Variants in MEIKIN observed in about 807,000 individuals in gnomAD.
The protein encoded by MEIKIN is meiotic kinetochore factor, also known as meiosis-specific kinetochore protein.
rs533471454 is a variant in MEIKIN, at chr5:131,870,749, A to T, written c.774+8229T>A. Among the ~76,000 whole-genome samples, 12 of 152,288 alleles carry T rather than the reference A, an allele frequency of 7.9e-5. No homozygotes were observed. The East Asian group carries it at 2.3e-3, about 29-fold the overall frequency. On this transcript the variant is annotated intron_variant, in intron 9 of 12. Coordinates refer to ENST00000442687, the MANE Select transcript of MEIKIN (RefSeq NM_001303622.2). ...CTACAGGCAAAATTATCTTGAATAC[A>T]TGCCTATTTCTTGATCTCTCCTATC...
At chr5:131,845,581 T>C (rs1750004716) in intron 11 of MEIKIN, among the ~76,000 whole-genome samples, 1 of 143,120 alleles carries the variant, frequency 7.0e-6, no homozygotes, top group Admixed American at 7.2e-5. Context: ...AAAATTAAAA[T>C]ATCAACAAAA....
chr5:131,937,124 A>G (rs1329670292), intron 4 of MEIKIN, among the ~76,000 whole-genome samples: 2 of 152,152 alleles, frequency 1.3e-5, no homozygotes, highest in African/African-American at 2.4e-5. Context: ...CCTGTATTAG[A>G]TAAGAGACTC....
At chr5:131,831,032 G>C (rs886981552) in intron 11 of MEIKIN, among the ~76,000 whole-genome samples, 2 of 152,004 alleles carry the variant, frequency 1.3e-5, no homozygotes, top group Non-Finnish European at 2.9e-5. Flanking sequence ...CAAGTAGCTG[G>C]GACTATACGT....
chr5:131,882,385 T>C (rs1561743039), intron 8 of MEIKIN, among the ~76,000 whole-genome samples: 1 of 152,188 alleles, frequency 6.6e-6, no homozygotes, highest in Non-Finnish European at 1.5e-5. Flanking sequence ...CTTGGAAGCT[T>C]GGAATTTCTC....
intron 4 of MEIKIN, among the ~76,000 whole-genome samples, chr5:131,941,700 C>G (rs115395557): frequency 0.017 from 2,583 of 152,256 alleles, 39 homozygotes; most frequent in Middle Eastern, 0.051. Flanking sequence ...CCTTTCATAT[C>G]CAACTATCTG....
intron 8 of MEIKIN, among the ~76,000 whole-genome samples, chr5:131,897,274 C>T (rs1415132249): frequency 1.3e-5 from 2 of 152,218 alleles, no homozygotes; most frequent in Admixed American, 6.5e-5. Flanking sequence ...ACGGGCTTCC[C>T]TTTGTGGGTA....
intron 9 of MEIKIN, among the ~76,000 whole-genome samples, chr5:131,862,162 T>G (rs1261205534): frequency 1.3e-5 from 2 of 152,206 alleles, no homozygotes; most frequent in Non-Finnish European, 2.9e-5. Context: ...TTCTATTTCT[T>G]CCTCATTCAA....
chr5:131,869,958 G>A (rs1159710496), intron 9 of MEIKIN, among the ~76,000 whole-genome samples: 1 of 152,184 alleles, frequency 6.6e-6, no homozygotes, highest in Non-Finnish European at 1.5e-5. Context: ...AAAAACTGGT[G>A]ACTTTTCAGT....
At chr5:131,854,128 G>A (rs906158850) in intron 10 of MEIKIN, among the ~76,000 whole-genome samples, 1 of 152,132 alleles carries the variant, frequency 6.6e-6, no homozygotes, top group African/African-American at 2.4e-5. Context: ...AACAAAATGT[G>A]TCATATACAT....
At chr5:131,898,290 TG>T (rs1429099463) in intron 8 of MEIKIN, among the ~76,000 whole-genome samples, 2 of 152,176 alleles carry the variant, frequency 1.3e-5, no homozygotes, top group African/African-American at 4.8e-5. Context: ...ATCCTTCCTC[TG>T]GAAGCTTTGT....
chr5:131,898,717 T>A (rs1751097756), intron 8 of MEIKIN, among the ~76,000 whole-genome samples: 1 of 152,234 alleles, frequency 6.6e-6, no homozygotes, highest in Non-Finnish European at 1.5e-5. Flanking sequence ...TCCGTGGGCA[T>A]GGGACCCCGT....
At chr5:131,922,520 C>T (rs1327982958) in intron 5 of MEIKIN, among the ~76,000 whole-genome samples, 1 of 151,822 alleles carries the variant, frequency 6.6e-6, no homozygotes, top group Non-Finnish European at 1.5e-5. Flanking sequence ...ATGCAAATAC[C>T]ATGCCATTTT....
chr5:131,925,740 C>A (rs1751577828), intron 5 of MEIKIN, among the ~76,000 whole-genome samples: 1 of 152,104 alleles, frequency 6.6e-6, no homozygotes, highest in African/African-American at 2.4e-5. Context: ...ATGATCCCGG[C>A]CCACTGCAAC....
intron 9 of MEIKIN, among the ~76,000 whole-genome samples, chr5:131,866,742 G>C (rs779972679): frequency 2.0e-4 from 31 of 152,196 alleles, no homozygotes; most frequent in Non-Finnish European, 1.0e-4. Context: ...CTGACAGTAT[G>C]CATGGAAGCA....
At chr5:131,819,048 T>G (rs1473592696) in intron 11 of MEIKIN, among the ~76,000 whole-genome samples, 185 bp from the exon 12 acceptor site, 2 of 152,146 alleles carry the variant, frequency 1.3e-5, no homozygotes, top group Non-Finnish European at 2.9e-5. Flanking sequence ...CATTTAATAT[T>G]CACAAGAACC....
rs1750074336 is a variant in MEIKIN at position 131,849,459 on chromosome 5, TAAAG to T, written c.975+1801_975+1804del. On this transcript the variant is annotated intron_variant, in intron 11 of 12. Transcript: ENST00000442687. ...AAGAAACCTCTTTTCTTTATATATA[TAAAG>T]AAACCTCTTTTCTTTATATATATAA... Among the ~76,000 whole-genome samples the T allele has an allele frequency of 3.4e-4, 4 of 11,746 alleles. 2 individuals carry two copies. Among genetic ancestry groups the T allele is most frequent in the African/African-American group, 1.4e-3 (4 of 2,902 alleles). 7.7% of individuals were successfully genotyped at this position (11,746 alleles called of 152,430 possible).
chr5:131,896,712 T>C lies in MEIKIN; in HGVS notation c.703+15103A>G, dbSNP rs1294303451. On this transcript the variant is annotated intron_variant, in intron 8 of 12. Coordinates refer to ENST00000442687, the MANE Select transcript of MEIKIN (RefSeq NM_001303622.2). ...GAGACTAGGATTGCAACTACTGCTTTTTCTCGCTTTCCATTTGCTTGGTAT... is the reference window on the plus strand; with the variant it reads ...GAGACTAGGATTGCAACTACTGCTTCTTCTCGCTTTCCATTTGCTTGGTAT... Among the ~76,000 whole-genome samples the C allele has an allele frequency of 3.3e-5, 5 of 152,230 alleles. No individual in the cohort carries two copies. The East Asian group carries it at 7.7e-4, about 23-fold the overall frequency.
intron 9 of MEIKIN, among the ~76,000 whole-genome samples, chr5:131,861,961 G>A (rs10478992): frequency 3.9e-5 from 6 of 152,000 alleles, no homozygotes; most frequent in South Asian, 2.1e-4. Flanking sequence ...AATGTTAGCC[G>A]CAAAGAGTGA....
rs143656149 is a variant in MEIKIN, at chr5:131,849,833, G to T, written c.975+1431C>A. ...ATAGTTCTAGCCGGAGCAATTAGGCGATTAGGAAAAGAAATAAAAGGCATC... is the reference window on the plus strand; with the variant it reads ...ATAGTTCTAGCCGGAGCAATTAGGCTATTAGGAAAAGAAATAAAAGGCATC... On this transcript the variant is annotated intron_variant, in intron 11 of 12. Coordinates refer to ENST00000442687, the MANE Select transcript of MEIKIN (RefSeq NM_001303622.2). 3.6e-3 allele frequency among the ~76,000 whole-genome samples: 544 copies of T among 151,832 alleles called. 4 individuals are homozygous for T. Among genetic ancestry groups the T allele is most frequent in the African/African-American group, 0.012 (516 of 41,484 alleles).
Sources: gnomAD v4.1 joint callset for allele counts (sites outside exome capture counted in the v4.1 genomes callset) on GRCh38, gnomAD v4.1.1 for gene constraint, MANE v1.5 for transcripts, NCBI Gene and HGNC (gene_info 2026-07-23, HGNC 2026-07-21) for gene names.